Variants in KIAA1328 observed in about 807,000 individuals in gnomAD.
KIAA1328 encodes the protein KIAA1328.
In KIAA1328, 52 loss-of-function variants were observed where a neutral mutation model predicts 68.1. The ratio of observed to expected loss-of-function variants is 0.76; its 90% CI spans 0.61 to 0.96. The LOEUF (loss-of-function observed/expected upper bound fraction) is 0.96. Among genes scored for constraint, KIAA1328 ranks in the 40% least tolerant of loss-of-function variants. KIAA1328 has a pLI of 0.00. For missense variants in KIAA1328, 641 were observed against 677.6 expected (o/e 0.95, Z 0.60); for synonymous variants, 232 against 239.4 (o/e 0.97, Z 0.28).
At chr18:37,204,325 G>A (rs2060174776) in intron 9 of KIAA1328, among the ~76,000 whole-genome samples, 1 of 152,120 alleles carries the variant, frequency 6.6e-6, no homozygotes, top group Non-Finnish European at 1.5e-5. Flanking sequence ...TTTTAAACTA[G>A]TTTTATTTAC....
At chr18:37,209,650 TAC>T (rs2060278758) in intron 9 of KIAA1328, among the ~76,000 whole-genome samples, 1 of 151,982 alleles carries the variant, frequency 6.6e-6, no homozygotes, top group Non-Finnish European at 1.5e-5. Flanking sequence ...GAAGGCATCC[TAC>T]ACAGAGGGTG....
chr18:36,863,573 A>G (rs1398956704), intron 4 of KIAA1328, among the ~76,000 whole-genome samples: 2 of 152,168 alleles, frequency 1.3e-5, no homozygotes, highest in Admixed American at 6.5e-5. Flanking sequence ...TTATATTAAT[A>G]GGTGTTACAT....
chr18:37,157,074 G>T (rs1318957566), intron 7 of KIAA1328, among the ~76,000 whole-genome samples: 1 of 151,992 alleles, frequency 6.6e-6, no homozygotes, highest in Non-Finnish European at 1.5e-5. Context: ...ATGTTTTCTT[G>T]AATTTCTTGA....
At chr18:36,992,451 C>CTTTTTTTTTTTTTTTTTTTTTTT (rs71168252) in intron 6 of KIAA1328, among the ~76,000 whole-genome samples, 5 of 130,100 alleles carry the variant, frequency 3.8e-5, no homozygotes, top group African/African-American at 1.7e-4. Flanking sequence ...TCTTTTCTTT[C>CTTTTTTTTTTTTTTTTTTTTTTT]TTTTTTTTTT....
chr18:37,081,026 G>A (rs746637320), intron 7 of KIAA1328, among the ~76,000 whole-genome samples: 8 of 152,022 alleles, frequency 5.3e-5, no homozygotes, highest in Non-Finnish European at 1.2e-4. Flanking sequence ...TGTCACCCAA[G>A]CTGGAGTGCA....
At chr18:37,018,135 C>G in intron 6 of KIAA1328, among the ~76,000 whole-genome samples, 1 of 152,128 alleles carries the variant, frequency 6.6e-6, no homozygotes, top group East Asian at 1.9e-4. Context: ...CCGTAAGGCT[C>G]TCTTGGAAGG....
intron 7 of KIAA1328, among the ~76,000 whole-genome samples, chr18:37,150,401 C>G (rs2059002278): frequency 6.6e-6 from 1 of 152,074 alleles, no homozygotes; most frequent in African/African-American, 2.4e-5. Context: ...TGCCATATGC[C>G]TTCTGTGTGG....
At chr18:36,922,794 G>A (rs2049976742) in intron 5 of KIAA1328, among the ~76,000 whole-genome samples, 1 of 152,118 alleles carries the variant, frequency 6.6e-6, no homozygotes, top group Non-Finnish European at 1.5e-5. Context: ...ATGAGTATAT[G>A]AGATATTCGA....
intron 7 of KIAA1328, among the ~76,000 whole-genome samples, chr18:37,146,308 TTTAG>T (rs2058899165): frequency 6.6e-6 from 1 of 152,184 alleles, no homozygotes; most frequent in Non-Finnish European, 1.5e-5. Context: ...GTTCTCATCA[TTTAG>T]CTCCCACTTA....
intron 6 of KIAA1328, among the ~76,000 whole-genome samples, chr18:37,018,812 C>A (rs1302644114): frequency 2.0e-5 from 3 of 151,390 alleles, no homozygotes; most frequent in Non-Finnish European, 4.4e-5. Context: ...ATTTTTATGT[C>A]TTTTTTCATT....
At chr18:36,861,992 A>C (rs2047578846) in intron 4 of KIAA1328, among the ~76,000 whole-genome samples, 1 of 152,164 alleles carries the variant, frequency 6.6e-6, no homozygotes, top group African/African-American at 2.4e-5. Context: ...ATTCTAATCC[A>C]GGACTCACCA....
intron 7 of KIAA1328, among the ~76,000 whole-genome samples, chr18:37,068,732 A>G (rs1055663842): frequency 2.6e-5 from 4 of 152,138 alleles, no homozygotes; most frequent in Non-Finnish European, 5.9e-5. Context: ...TTTGTCAGAT[A>G]TGTGAATAGC....
intron 5 of KIAA1328, among the ~76,000 whole-genome samples, chr18:36,890,377 C>CA (rs535826292): frequency 7.9e-5 from 12 of 151,458 alleles, no homozygotes; most frequent in Non-Finnish European, 1.6e-4. Flanking sequence ...AAAATGTCAA[C>CA]AAAAAAAATA....
chr18:37,091,108 A>G (rs1183932123), intron 7 of KIAA1328, among the ~76,000 whole-genome samples: 2 of 152,224 alleles, frequency 1.3e-5, no homozygotes, highest in Non-Finnish European at 2.9e-5. Context: ...AACCTTCTGC[A>G]ACTAATCAGG....
chr18:37,111,714 A>G (rs2057935926), intron 7 of KIAA1328, among the ~76,000 whole-genome samples: 1 of 152,158 alleles, frequency 6.6e-6, no homozygotes, highest in Admixed American at 6.5e-5. Flanking sequence ...GAGCCAAAGC[A>G]GGGTGGGGCA....
chr18:36,931,300 G>A (rs561788718), intron 5 of KIAA1328, among the ~76,000 whole-genome samples: 34 of 152,182 alleles, frequency 2.2e-4, no homozygotes, highest in South Asian at 8.3e-4. Flanking sequence ...GCTGGTGAGC[G>A]AGCATTACTG....
intron 4 of KIAA1328, among the ~76,000 whole-genome samples, 186 bp downstream of exon 4, chr18:36,844,488 A>G (rs1568067513): frequency 6.6e-6 from 1 of 152,022 alleles, no homozygotes; most frequent in Non-Finnish European, 1.5e-5. Flanking sequence ...CATCAAAAGC[A>G]AACTACTTTC....
intron 6 of KIAA1328, among the ~76,000 whole-genome samples, chr18:37,061,472 A>C (rs2056144726): frequency 6.6e-6 from 1 of 152,178 alleles, no homozygotes; most frequent in South Asian, 2.1e-4. Context: ...TTTGCGTTTT[A>C]TTGTAAATTA....
intron 5 of KIAA1328, among the ~76,000 whole-genome samples, chr18:36,887,269 T>G (rs890833495): frequency 6.6e-6 from 1 of 152,200 alleles, no homozygotes; most frequent in African/African-American, 2.4e-5. Flanking sequence ...CAGTTTTATT[T>G]ACTCTTCTAC....
Sources: gnomAD v4.1 joint callset for allele counts (sites outside exome capture counted in the v4.1 genomes callset) on GRCh38, gnomAD v4.1.1 for gene constraint, MANE v1.5 for transcripts, NCBI Gene and HGNC (gene_info 2026-07-23, HGNC 2026-07-21) for gene names.